Variants in ROBO2 observed in about 807,000 individuals in gnomAD.
ROBO2 encodes roundabout homolog 2.
In ROBO2, 53 loss-of-function variants were observed where a neutral mutation model predicts 160.8. The ratio of observed to expected loss-of-function variants is 0.33; its 90% confidence interval spans 0.26 to 0.41. The LOEUF (loss-of-function observed/expected upper bound fraction) is 0.41, where lower values mean the gene tolerates loss of function less well. Among genes scored for constraint, ROBO2 ranks in the 10% least tolerant of loss-of-function variants. ROBO2 has a pLI of 1.00. For synonymous variants in ROBO2, 664 were observed against 611.7 expected, an observed-to-expected ratio of 1.09 and a Z score of -1.26; for missense variants, 1,577 against 1,722.4, an observed-to-expected ratio of 0.92 and a Z score of 1.49.
chr3:76,055,639 A>G (rs1559872754), intron 2 of ROBO2, among the ~76,000 whole-genome samples: 1 of 152,168 alleles, frequency 6.6e-6, no homozygotes, highest in Non-Finnish European at 1.5e-5. Context: ...TATAGCCTCC[A>G]GCTCCATCCA....
intron 2 of ROBO2, among the ~76,000 whole-genome samples, chr3:76,752,515 C>A (rs751377197): frequency 2.6e-5 from 4 of 151,386 alleles, no homozygotes; most frequent in Admixed American, 1.3e-4. Flanking sequence ...CATTTTTTCT[C>A]TAGATTAGTC....
At chr3:77,186,262 A>G (rs551406568) in intron 2 of ROBO2, among the ~76,000 whole-genome samples, 109 of 152,092 alleles carry the variant, frequency 7.2e-4, no homozygotes, top group African/African-American at 2.6e-3. Context: ...GGAGATTAAA[A>G]TGAAGTTAGT....
At position 77,602,505 on chromosome 3, in the gene ROBO2, T is replaced by C. The variant is rs775751426; in HGVS notation, c.3136+14T>C. On this transcript the variant is annotated intron_variant, in intron 20 of 25. Transcript: ENST00000461745. ...AAGGTAACAATGGTGAGTCAGGTTC[T>C]TGTGTCCTGAGGAGGTATTTTCATA... is the stretch of plus-strand genomic sequence containing the variant. 2 of 1,613,818 alleles carry C rather than the reference T, an allele frequency of 1.2e-6. No individual in the cohort carries two copies. Among genetic ancestry groups the C allele is most frequent in the South Asian group, 1.1e-5 (1 of 91,072 alleles).
chr3:77,296,955 G>A (rs184463020), intron 2 of ROBO2, among the ~76,000 whole-genome samples: 1 of 152,052 alleles, frequency 6.6e-6, no homozygotes, highest in African/African-American at 2.4e-5. Context: ...TGCTTTTCTC[G>A]CATACTTTGA....
chr3:76,796,923 A>T (rs1560577307), intron 2 of ROBO2, among the ~76,000 whole-genome samples: 1 of 152,170 alleles, frequency 6.6e-6, no homozygotes, highest in Non-Finnish European at 1.5e-5. Context: ...TATGCACCCA[A>T]CATTGGAGCA....
intron 23 of ROBO2, among the ~76,000 whole-genome samples, chr3:77,623,467 T>C (rs930708725): frequency 3.3e-5 from 5 of 152,362 alleles, no homozygotes; most frequent in Admixed American, 1.3e-4. Context: ...AACTGGTTTA[T>C]GACAGGATAA....
At chr3:76,030,067 G>A (rs1039902664) in intron 2 of ROBO2, among the ~76,000 whole-genome samples, 4 of 152,144 alleles carry the variant, frequency 2.6e-5, no homozygotes. Context: ...TCTAACTGGT[G>A]TGAGATGGTA....
chr3:76,854,913 G>T (rs1293342409), intron 2 of ROBO2, among the ~76,000 whole-genome samples: 1 of 152,094 alleles, frequency 6.6e-6, no homozygotes, highest in Non-Finnish European at 1.5e-5. Context: ...CGAACCAAAA[G>T]AACCTAATTG....
At chr3:76,031,214 G>T (rs766929412) in intron 2 of ROBO2, among the ~76,000 whole-genome samples, 18 of 152,286 alleles carry the variant, frequency 1.2e-4, no homozygotes, top group South Asian at 2.1e-4. Context: ...CATTGATTTT[G>T]TATCCTGAGA....
At chr3:77,464,997 A>G (rs538964600) in intron 2 of ROBO2, among the ~76,000 whole-genome samples, 1 of 152,298 alleles carries the variant, frequency 6.6e-6, no homozygotes, top group East Asian at 1.9e-4. Context: ...TTATTTCAAA[A>G]ATTATCCCAT....
chr3:76,622,278 GAAAGAA>G (rs1560252904), intron 2 of ROBO2, among the ~76,000 whole-genome samples: 1 of 87,264 alleles, frequency 1.1e-5, no homozygotes, highest in Non-Finnish European at 2.4e-5. Flanking sequence ...AAGAAAGAAA[GAAAGAA>G]AGAAAGAAAG....
chr3:76,701,186 A>C (rs914405312), intron 2 of ROBO2, among the ~76,000 whole-genome samples: 2 of 152,102 alleles, frequency 1.3e-5, no homozygotes, highest in African/African-American at 4.8e-5. Flanking sequence ...TGATGCTTGC[A>C]AAGTTCTTTA....
At chr3:76,966,024 G>A (rs2059275550) in intron 2 of ROBO2, among the ~76,000 whole-genome samples, 1 of 148,726 alleles carries the variant, frequency 6.7e-6, no homozygotes, top group Non-Finnish European at 1.5e-5. Flanking sequence ...CTGGGTTCAA[G>A]TGCTTCTCCT....
chr3:76,411,310 G>C (rs2075474127), intron 2 of ROBO2, among the ~76,000 whole-genome samples: 1 of 152,080 alleles, frequency 6.6e-6, no homozygotes, highest in Admixed American at 6.6e-5. Flanking sequence ...TTCTCTAGGA[G>C]CATACAATCT....
intron 2 of ROBO2, among the ~76,000 whole-genome samples, chr3:76,367,229 A>G (rs1408218250): frequency 6.6e-6 from 1 of 152,026 alleles, no homozygotes; most frequent in Non-Finnish European, 1.5e-5. Flanking sequence ...TAACATTCTG[A>G]ACAATTGTAG....
chr3:76,925,228 A>AAAAT (rs1553694001), intron 2 of ROBO2, among the ~76,000 whole-genome samples: 19,627 of 147,332 alleles, frequency 0.13, 1,603 homozygotes, highest in South Asian at 0.24. Flanking sequence ...AAAAAAAAAA[A>AAAAT]AAATCTGGTT....
chr3:76,242,217 T>G (rs555755173), intron 2 of ROBO2, among the ~76,000 whole-genome samples: 16 of 152,276 alleles, frequency 1.1e-4, no homozygotes, highest in African/African-American at 3.9e-4. Context: ...GCGGCCCTGT[T>G]CTAGCCAGTT....
chr3:76,711,159 A>C (rs765132578), intron 2 of ROBO2, among the ~76,000 whole-genome samples: 2 of 152,226 alleles, frequency 1.3e-5, no homozygotes, highest in African/African-American at 2.4e-5. Flanking sequence ...AAAGAGGTTT[A>C]GTTGACTCAC....
At chr3:76,534,794 G>A (rs1187699902) in intron 2 of ROBO2, among the ~76,000 whole-genome samples, 2 of 152,080 alleles carry the variant, frequency 1.3e-5, no homozygotes, top group Admixed American at 6.6e-5. Context: ...AGCCTGATGC[G>A]TAGGAAAGCA....
Sources: gnomAD v4.1 joint callset for allele counts (sites outside exome capture counted in the v4.1 genomes callset) on GRCh38, gnomAD v4.1.1 for gene constraint, MANE v1.5 for transcripts, NCBI Gene and HGNC (gene_info 2026-07-23, HGNC 2026-07-21) for gene names.